GHR: variants seen among roughly 807,000 people sequenced by gnomAD.
GHR encodes growth hormone receptor, also known as GH receptor.
GHR carries 35 observed loss-of-function variants against 67.1 expected under a neutral mutation model. The ratio of observed to expected loss-of-function variants is 0.52; its 90% CI spans 0.40 to 0.69. The LOEUF (loss-of-function observed/expected upper bound fraction) is 0.69. GHR is among the 30% of genes least tolerant of loss of function. The pLI, the probability that GHR is intolerant of heterozygous loss-of-function variation, is 0.00. For missense variants in GHR, 792 were observed against 764.6 expected (o/e 1.04, Z -0.42); for synonymous variants, 272 against 269.1 (o/e 1.01, Z -0.10).
intron 2 of GHR, among the ~76,000 whole-genome samples, chr5:42,593,243 T>G (rs1751886300): frequency 6.6e-6 from 1 of 152,238 alleles, no homozygotes; most frequent in African/African-American, 2.4e-5. Flanking sequence ...CTATATTGCA[T>G]CTAACAAAGT....
rs1754677605 is a variant in GHR, at chr5:42,645,365, T to C, written c.136+16262T>C. Among the ~76,000 whole-genome samples the C allele has an allele frequency of 2.0e-5, 3 of 152,324 alleles. No individual in the cohort carries two copies. The South Asian group carries it at 6.2e-4, about 32-fold the overall frequency. On this transcript the variant is annotated intron_variant, in intron 3 of 9. Transcript: ENST00000230882. ...TCATCTAATAGCAAACATTGCTATG[T>C]CCCAATGGAGATTCCAAGACTCTTT...
chr5:42,475,222 T>C (rs780725474), intron 1 of GHR, among the ~76,000 whole-genome samples: 26 of 152,102 alleles, frequency 1.7e-4, no homozygotes, highest in Non-Finnish European at 3.1e-4. Context: ...TTTAAGTCTT[T>C]CTGTGGGTTA....
intron 1 of GHR, among the ~76,000 whole-genome samples, chr5:42,451,718 A>AAT (rs1015930487): frequency 1.3e-5 from 2 of 151,572 alleles, no homozygotes; most frequent in African/African-American, 2.4e-5. Context: ...AAAAAAAAAA[A>AAT]ACCTACTCCT....
At position 42,719,778 on chromosome 5, in the gene GHR, G is replaced by T; in HGVS notation, c.*354G>T. ...CTTTTTGAAAAAGCGAAAAAATCAG[G>T]TGGCTTTTGCGGTTCAGGAAAATTG... On this transcript the variant is annotated 3_prime_UTR_variant, in exon 10 of 10. Transcript: ENST00000230882. 1 of 296,668 alleles carries T rather than the reference G, an allele frequency of 3.4e-6. No homozygotes were observed. Among genetic ancestry groups the T allele is most frequent in the Non-Finnish European group, 6.5e-6 (1 of 153,894 alleles). The allele number at this position is 296,668 out of a possible 1,614,324, so 18.4% of individuals were successfully genotyped here.
intron 1 of GHR, among the ~76,000 whole-genome samples, chr5:42,555,528 A>G (rs1186616780): frequency 1.3e-5 from 2 of 152,194 alleles, no homozygotes; most frequent in African/African-American, 4.8e-5. Flanking sequence ...GGAAAGATCA[A>G]GCACAGTTCG....
At chr5:42,669,793 T>A (rs1756178649) in intron 3 of GHR, among the ~76,000 whole-genome samples, 1 of 152,144 alleles carries the variant, frequency 6.6e-6, no homozygotes. Context: ...AGCAAAAAAG[T>A]AAAATACTTA....
intron 1 of GHR, among the ~76,000 whole-genome samples, chr5:42,518,986 G>T (rs1237043456): frequency 6.6e-6 from 1 of 152,204 alleles, no homozygotes; most frequent in Non-Finnish European, 1.5e-5. Context: ...TAATCGCTGT[G>T]TCACCTTGGC....
intron 1 of GHR, among the ~76,000 whole-genome samples, chr5:42,503,337 TAAAG>T (rs1746621519): frequency 6.6e-6 from 1 of 152,144 alleles, no homozygotes; most frequent in Non-Finnish European, 1.5e-5. Flanking sequence ...ACAATTCACT[TAAAG>T]AAACAAAAAC....
rs1744796810 is a variant in GHR, at chr5:42,467,682, A to C, written c.-12+43727A>C. 1.9e-6 allele frequency: 3 copies of C among 1,588,948 alleles called. No homozygotes were observed. The African/African-American group carries it at 4.0e-5, about 21-fold the overall frequency. On this transcript the variant is annotated intron_variant, in intron 1 of 9. Transcript: ENST00000230882. Reference sequence around the variant, plus strand: ...TTCTCTGATGCACATCGAGCTTTGCACTCTGAATGAAGGCCTTCCCACACT... The same window carrying C: ...TTCTCTGATGCACATCGAGCTTTGCCCTCTGAATGAAGGCCTTCCCACACT...
intron 3 of GHR, among the ~76,000 whole-genome samples, chr5:42,663,518 G>C (rs1755775160): frequency 6.6e-6 from 1 of 152,158 alleles, no homozygotes; most frequent in Non-Finnish European, 1.5e-5. Context: ...AATAGATGCA[G>C]AAAAGTTCTT....
At chr5:42,680,206 A>G (rs1174474124) in intron 3 of GHR, among the ~76,000 whole-genome samples, 2 of 152,188 alleles carry the variant, frequency 1.3e-5, no homozygotes, top group East Asian at 1.9e-4. Context: ...GGCCTGGCCA[A>G]CGTGCTTATG....
chr5:42,493,412 T>C (rs2112204362), intron 1 of GHR, among the ~76,000 whole-genome samples: 1 of 152,310 alleles, frequency 6.6e-6, no homozygotes, highest in Admixed American at 6.5e-5. Flanking sequence ...ATTTTGTTTT[T>C]TTTACAAAGG....
intron 3 of GHR, among the ~76,000 whole-genome samples, chr5:42,686,985 G>A (rs1177100318): frequency 6.6e-6 from 1 of 152,132 alleles, no homozygotes; most frequent in Non-Finnish European, 1.5e-5. Context: ...CAAAGTCTCA[G>A]GATACGAAAT....
At chr5:42,678,557 A>G (rs1314503018) in intron 3 of GHR, among the ~76,000 whole-genome samples, 1 of 152,210 alleles carries the variant, frequency 6.6e-6, no homozygotes, top group Non-Finnish European at 1.5e-5. Flanking sequence ...AATGATTCAG[A>G]GAATCTTATA....
chr5:42,549,876 G>A (rs1231659838), intron 1 of GHR, among the ~76,000 whole-genome samples: 2 of 152,216 alleles, frequency 1.3e-5, no homozygotes, highest in African/African-American at 4.8e-5. Flanking sequence ...GCCCAATTTA[G>A]TCCAGATGTC....
intron 2 of GHR, among the ~76,000 whole-genome samples, chr5:42,575,820 G>A (rs1251894750): frequency 1.3e-5 from 2 of 151,412 alleles, no homozygotes; most frequent in African/African-American, 4.9e-5. Flanking sequence ...TGGATCGAGA[G>A]GTCAAGAGTT....
intron 2 of GHR, among the ~76,000 whole-genome samples, chr5:42,610,068 C>A (rs1204582094): frequency 6.6e-6 from 1 of 152,062 alleles, no homozygotes; most frequent in Non-Finnish European, 1.5e-5. Flanking sequence ...AGTTACTCTT[C>A]TTTTTTTATT....
At chr5:42,715,080 T>C in intron 8 of GHR, 1 of 368,522 alleles carries the variant, frequency 2.7e-6, no homozygotes, top group South Asian at 2.1e-5. Context: ...CAGTGCTTTT[T>C]ATAAATAATG....
chr5:42,435,320 T>C (rs1039857254), intron 1 of GHR, among the ~76,000 whole-genome samples: 3 of 152,172 alleles, frequency 2.0e-5, no homozygotes, highest in Non-Finnish European at 4.4e-5. Context: ...TATTGTCACA[T>C]AGTAAAAATG....
Sources: gnomAD v4.1 joint callset for allele counts (sites outside exome capture counted in the v4.1 genomes callset) on GRCh38, gnomAD v4.1.1 for gene constraint, MANE v1.5 for transcripts, NCBI Gene and HGNC (gene_info 2026-07-23, HGNC 2026-07-21) for gene names.